Variants in CDKN2C observed in about 807,000 individuals in gnomAD.
The protein encoded by CDKN2C is cyclin dependent kinase inhibitor 2C, also known as cyclin-dependent kinase 4 inhibitor C.
In CDKN2C, 5 loss-of-function variants were observed where a neutral mutation model predicts 11.0. That is an observed-to-expected ratio of 0.45 (90% CI 0.24 to 0.95). CDKN2C has a LOEUF of 0.95. Among genes scored for constraint, CDKN2C ranks in the 40% least tolerant of loss-of-function variants. The pLI is 0.21. For missense variants in CDKN2C, 161 were observed against 211.9 expected (o/e 0.76, Z 1.49); for synonymous variants, 79 against 88.3 (o/e 0.89, Z 0.59).
intron 1 of CDKN2C, among the ~76,000 whole-genome samples, chr1:50,962,810 A>G (rs564866601): frequency 6.6e-6 from 1 of 152,362 alleles, no homozygotes; most frequent in African/African-American, 2.4e-5. Flanking sequence ...TCAGCTACTC[A>G]CAGGACTATT....
At chr1:50,969,277 G>A (rs1056077086), upstream of CDKN2C, 12 of 153,692 alleles carry the variant, frequency 7.8e-5, no homozygotes, top group African/African-American at 2.7e-4. The surrounding 1 kb of genome is among the most constrained non-coding windows in gnomAD (Gnocchi z 6.6). Context: ...GGACAGCGGC[G>A]GCAGCAGCTC....
chr1:50,970,649 C>A, intron 1 of CDKN2C, 152 bp downstream of exon 1: 2 of 831,186 alleles, frequency 2.4e-6, no homozygotes, highest in South Asian at 1.5e-5. Context: ...TAAGTGGATG[C>A]AACTTCTCAA....
chr1:50,971,181 G>A (rs1645377854), intron 1 of CDKN2C, among the ~76,000 whole-genome samples: 1 of 152,172 alleles, frequency 6.6e-6, no homozygotes, highest in South Asian at 2.1e-4. Flanking sequence ...GGCAACAATT[G>A]ACACATGTCC....
At chr1:50,969,242 C>G (rs979897228), upstream of CDKN2C, 1 of 153,608 alleles carries the variant, frequency 6.5e-6, no homozygotes, top group Non-Finnish European at 1.4e-5. The surrounding 1 kb of genome is among the most constrained non-coding windows in gnomAD (Gnocchi z 6.6). Flanking sequence ...CCAGAGGCCC[C>G]CACAAAACCG....
At chr1:50,969,071 C>G (rs1184248553), upstream of CDKN2C, 1 of 152,306 alleles carries the variant, frequency 6.6e-6, no homozygotes, top group African/African-American at 2.4e-5. This position sits in a 1 kb window ranked among gnomAD's most constrained non-coding sequence, Gnocchi z 6.6. Flanking sequence ...CTGTCCGCAG[C>G]AAAGGGGCAC....
intron 1 of CDKN2C, among the ~76,000 whole-genome samples, chr1:50,963,990 A>T (rs1452833872): frequency 1.3e-5 from 2 of 151,602 alleles, no homozygotes; most frequent in African/African-American, 4.8e-5. Context: ...ATAAATAATA[A>T]ATATTATTTA....
At position 50,974,144 on chromosome 1, in the gene CDKN2C, C is replaced by G; in HGVS notation, c.381C>G (p.Ala127=). 6.2e-7 allele frequency: 1 copy of G among 1,614,128 alleles called. No individual in the cohort carries two copies. The highest frequency in any genetic ancestry group is 2.2e-5 in the East Asian group (1 of 44,870). ...TGGAGTTCCTGGTGAAGCACACGGCCAGCAATGTGGGGCATCGGAACCATA... is the reference window on the plus strand; with the variant it reads ...TGGAGTTCCTGGTGAAGCACACGGCGAGCAATGTGGGGCATCGGAACCATA... ...RVVEFLVKHT[A]SNVGHRNHKG... is the part of the protein sequence containing the mutation. Residue 127 remains alanine, a synonymous_variant, in exon 2 of 2, where the codon GCC becomes GCG. Coordinates refer to ENST00000371761, the MANE Select transcript of CDKN2C (RefSeq NM_078626.3).
At chr1:50,972,767 T>C (rs140812348) in intron 1 of CDKN2C, among the ~76,000 whole-genome samples, 39 of 152,270 alleles carry the variant, frequency 2.6e-4, no homozygotes, top group Non-Finnish European at 4.4e-4. Flanking sequence ...GAATTATTTG[T>C]ATGTTGATAG....
upstream of CDKN2C, chr1:50,967,883 T>G (rs539372947): frequency 7.2e-5 from 11 of 152,362 alleles, no homozygotes; most frequent in African/African-American, 2.6e-4. Context: ...ACACGACTTA[T>G]TTTAAATTTT....
intron 1 of CDKN2C, among the ~76,000 whole-genome samples, chr1:50,964,768 T>G (rs1645339387): frequency 6.6e-6 from 1 of 152,228 alleles, no homozygotes; most frequent in Non-Finnish European, 1.5e-5. Flanking sequence ...GATTAATATA[T>G]GCATTGGCTG....
chr1:50,974,394 C>A lies in CDKN2C; in HGVS notation c.*124C>A. On this transcript the variant is annotated 3_prime_UTR_variant, in exon 2 of 2. Transcript: ENST00000371761. ...TGTTAAGCAGCTAAATTTTCTGAAA[C>A]TGCATAAGTGAAAATCTTACAACAG... is the stretch of plus-strand genomic sequence containing the variant. 2.1e-6 allele frequency: 2 copies of A among 954,892 alleles called. No individual in the cohort carries two copies. Among genetic ancestry groups the A allele is most frequent in the Non-Finnish European group, 2.9e-6 (2 of 678,232 alleles). The allele number at this position is 954,892 out of a possible 1,614,324, so 59.2% of individuals were successfully genotyped here.
intron 1 of CDKN2C, among the ~76,000 whole-genome samples, chr1:50,962,998 T>G (rs1645333000): frequency 6.6e-6 from 1 of 152,238 alleles, no homozygotes; most frequent in Admixed American, 6.5e-5. Context: ...GCTTGTGATT[T>G]TGAATGTTGA....
rs1180060936 is a variant in CDKN2C, at chr1:50,973,884, C to A, written c.130-9C>A. The A allele has an allele frequency of 1.2e-6, 2 of 1,613,918 alleles. No individual in the cohort carries two copies. Among genetic ancestry groups the A allele is most frequent in the African/African-American group, 1.3e-5 (1 of 74,932 alleles). On this transcript the variant is annotated splice_polypyrimidine_tract_variant and intron_variant, in intron 1 of 1. Coordinates refer to ENST00000371761, the MANE Select transcript of CDKN2C (RefSeq NM_078626.3). ...TTGAAGGATTCTACCATTTCTACTT[C>A]TTTTCCAGGTTATGAAACTTGGAAA... is the stretch of plus-strand genomic sequence containing the variant.
chr1:50,960,868 A>G (rs1324479688), intron 1 of CDKN2C: 1 of 152,116 alleles, frequency 6.6e-6, no homozygotes, highest in African/African-American at 2.4e-5. Flanking sequence ...GTTATGAGAA[A>G]TAACAACCTC....
At chr1:50,968,584 A>C (rs535973496), upstream of CDKN2C, 4 of 152,306 alleles carry the variant, frequency 2.6e-5, no homozygotes, top group African/African-American at 9.6e-5. Context: ...GGCGGGAATG[A>C]GGGCGCGGGA....
At chr1:50,961,009 T>G (rs1191154891) in intron 1 of CDKN2C, among the ~76,000 whole-genome samples, 2 of 119,648 alleles carry the variant, frequency 1.7e-5, no homozygotes, top group Non-Finnish European at 3.4e-5. Context: ...ATATAGTCAG[T>G]CTATTTTTAT....
At chr1:50,965,755 ATAAG>A (rs1337684149), upstream of CDKN2C, among the ~76,000 whole-genome samples, 1 of 152,072 alleles carries the variant, frequency 6.6e-6, no homozygotes, top group African/African-American at 2.4e-5. Context: ...ATTTTCATAA[ATAAG>A]TACCTATATG....
intron 1 of CDKN2C, 72 bp from the exon 2 acceptor site, chr1:50,973,821 C>A (rs2147958171): frequency 6.5e-7 from 1 of 1,527,814 alleles, no homozygotes; most frequent in Non-Finnish European, 9.0e-7. Flanking sequence ...AATGGAAGGA[C>A]AGGCAGATAT....
upstream of CDKN2C, among the ~76,000 whole-genome samples, chr1:50,965,605 A>G (rs895208187): frequency 6.6e-6 from 1 of 152,104 alleles, no homozygotes; most frequent in Non-Finnish European, 1.5e-5. Flanking sequence ...GCGACTCCAG[A>G]GGCTGAGGTA....
Sources: allele counts gnomAD v4.1 joint callset (sites outside exome capture counted in the v4.1 genomes callset), GRCh38; gene constraint gnomAD v4.1.1; non-coding constraint Gnocchi (gnomAD v3.1); transcripts MANE v1.5; gene names NCBI Gene and HGNC (gene_info 2026-07-23, HGNC 2026-07-21).